Variants in CACNA1D observed in about 807,000 individuals in gnomAD.
The protein encoded by CACNA1D is voltage-dependent L-type calcium channel subunit alpha-1D.
In CACNA1D, 55 loss-of-function variants were observed where a neutral mutation model predicts 257.1. That is an observed-to-expected ratio of 0.21 (90% CI 0.17 to 0.27). The LOEUF (loss-of-function observed/expected upper bound fraction) is 0.27, where lower values mean the gene tolerates loss of function less well. CACNA1D is among the 10% of genes least tolerant of loss of function. The probability of loss-of-function intolerance (pLI) is 1.00; values close to 1 mark genes in which losing one functional copy is unlikely to be tolerated. For missense variants in CACNA1D, 1,876 were observed against 2,784.0 expected (o/e 0.67, Z 7.34); for synonymous variants, 980 against 1,014.9 (o/e 0.97, Z 0.65).
intron 3 of CACNA1D, among the ~76,000 whole-genome samples, chr3:53,569,414 C>G (rs544356937): frequency 3.3e-5 from 5 of 152,346 alleles, no homozygotes; most frequent in African/African-American, 9.6e-5. Flanking sequence ...AGAATGTGGG[C>G]TCCACAATGG....
chr3:53,739,856 A>G (rs2095098160), intron 20 of CACNA1D, among the ~76,000 whole-genome samples: 1 of 152,198 alleles, frequency 6.6e-6, no homozygotes, highest in Non-Finnish European at 1.5e-5. Flanking sequence ...TTCTCCACCA[A>G]TCTGATGCTC....
At chr3:53,615,652 T>C (rs1034351535) in intron 3 of CACNA1D, among the ~76,000 whole-genome samples, 6 of 152,226 alleles carry the variant, frequency 3.9e-5, no homozygotes, top group African/African-American at 7.2e-5. Flanking sequence ...CCACCCTCAC[T>C]TTCACCCTTT....
chr3:53,517,196 T>C (rs1178771790), intron 3 of CACNA1D, among the ~76,000 whole-genome samples: 2 of 6,088 alleles, frequency 3.3e-4, no homozygotes, highest in Non-Finnish European at 5.5e-4. Flanking sequence ...TCTTGCCTTC[T>C]AATCCCTCAC....
At chr3:53,654,018 G>A (rs1006218760) in intron 4 of CACNA1D, among the ~76,000 whole-genome samples, 1 of 152,130 alleles carries the variant, frequency 6.6e-6, no homozygotes, top group African/African-American at 2.4e-5. Flanking sequence ...TTAAAGTACT[G>A]GGGAAAAATG....
At chr3:53,545,715 GATGCA>G (rs778948743) in intron 3 of CACNA1D, among the ~76,000 whole-genome samples, 22 of 152,184 alleles carry the variant, frequency 1.4e-4, no homozygotes, top group Non-Finnish European at 3.1e-4. Flanking sequence ...CGATTTGTTT[GATGCA>G]ATTAGCCAAA....
At chr3:53,704,534 GT>G (rs1162230215) in intron 9 of CACNA1D, among the ~76,000 whole-genome samples, 1 of 152,218 alleles carries the variant, frequency 6.6e-6, no homozygotes, top group Admixed American at 6.5e-5. Flanking sequence ...AGATGTAAGA[GT>G]GTCTGCCTGT....
At chr3:53,520,618 TAGTC>T (rs1372570704) in intron 3 of CACNA1D, among the ~76,000 whole-genome samples, 6 of 152,066 alleles carry the variant, frequency 3.9e-5, no homozygotes, top group Non-Finnish European at 7.4e-5. Flanking sequence ...ATACAAAAAA[TAGTC>T]AGACATGGTC....
intron 3 of CACNA1D, among the ~76,000 whole-genome samples, chr3:53,591,004 C>T (rs996101777): frequency 6.6e-6 from 1 of 152,104 alleles, no homozygotes; most frequent in Non-Finnish European, 1.5e-5. Context: ...GGCACTGGAC[C>T]CAGACCTTTG....
intron 22 of CACNA1D, 101 bp downstream of exon 22, chr3:53,743,218 T>C (rs754291356): frequency 4.2e-5 from 32 of 763,030 alleles, no homozygotes; most frequent in Non-Finnish European, 7.3e-5. Context: ...TTCATGATTA[T>C]ATTTAGTTAT....
intron 4 of CACNA1D, among the ~76,000 whole-genome samples, chr3:53,657,606 A>C (rs1353626863): frequency 6.6e-6 from 1 of 152,246 alleles, no homozygotes; most frequent in African/African-American, 2.4e-5. Flanking sequence ...ACTGGACTCT[A>C]AGAAAAACTT....
intron 19 of CACNA1D, among the ~76,000 whole-genome samples, chr3:53,733,889 A>T (rs553936812): frequency 6.7e-6 from 1 of 150,192 alleles, no homozygotes; most frequent in African/African-American, 2.5e-5. Context: ...TATTAAACTG[A>T]TATTGCTGAC....
chr3:53,773,749 A>G (rs2095380374), intron 33 of CACNA1D: 1 of 152,104 alleles, frequency 6.6e-6, no homozygotes, highest in African/African-American at 2.4e-5. Context: ...TTATGAAACA[A>G]AAGTCAGCAT....
intron 4 of CACNA1D, among the ~76,000 whole-genome samples, chr3:53,659,683 C>T (rs181261845): frequency 3.9e-5 from 6 of 152,320 alleles, no homozygotes; most frequent in Non-Finnish European, 5.9e-5. Flanking sequence ...TTATTCCTAT[C>T]GAGTTTGTTT....
At chr3:53,589,050 T>G (rs1215913626) in intron 3 of CACNA1D, among the ~76,000 whole-genome samples, 3 of 152,218 alleles carry the variant, frequency 2.0e-5, no homozygotes, top group Non-Finnish European at 4.4e-5. Flanking sequence ...TCTTTCATTC[T>G]TTAGATCTGT....
At chr3:53,528,823 A>G (rs1425669524) in intron 3 of CACNA1D, among the ~76,000 whole-genome samples, 1 of 152,204 alleles carries the variant, frequency 6.6e-6, no homozygotes, top group Non-Finnish European at 1.5e-5. Flanking sequence ...TTACTAGTAT[A>G]TGGAAACATG....
At chr3:53,796,401 G>A (rs1273079369) in intron 40 of CACNA1D, 3 of 456,056 alleles carry the variant, frequency 6.6e-6, no homozygotes, top group South Asian at 1.5e-5. Flanking sequence ...CTGCTACAGC[G>A]TAGGTCCAGG....
chr3:53,600,929 C>T (rs1395441002), intron 3 of CACNA1D, among the ~76,000 whole-genome samples: 1 of 152,188 alleles, frequency 6.6e-6, no homozygotes, highest in Non-Finnish European at 1.5e-5. Context: ...TGCCCACCTC[C>T]CACTCCAGCG....
intron 8 of CACNA1D, among the ~76,000 whole-genome samples, chr3:53,685,779 G>A (rs6793312): frequency 0.21 from 31,739 of 152,014 alleles, 3,687 homozygotes; most frequent in East Asian, 0.41. Context: ...TGTATGATCC[G>A]TTGAATGCAG....
intron 34 of CACNA1D, among the ~76,000 whole-genome samples, chr3:53,775,179 A>T (rs1419364144): frequency 6.6e-6 from 1 of 152,238 alleles, no homozygotes; most frequent in African/African-American, 2.4e-5. Context: ...AGTATTTCTA[A>T]TGACTCTAGT....
Sources: allele counts gnomAD v4.1 joint callset (sites outside exome capture counted in the v4.1 genomes callset), GRCh38; gene constraint gnomAD v4.1.1; transcripts MANE v1.5; gene names NCBI Gene and HGNC (gene_info 2026-07-23, HGNC 2026-07-21).